NAALADL2: variants seen among roughly 807,000 people sequenced by gnomAD.
NAALADL2 encodes the protein N-acetylated alpha-linked acidic dipeptidase like 2.
Under a neutral mutation model 87.2 loss-of-function variants are expected in NAALADL2, and 76 were observed. The ratio of observed to expected loss-of-function variants is 0.87; its 90% CI spans 0.72 to 1.05. NAALADL2 has a LOEUF of 1.05. NAALADL2 is among the 50% of genes least tolerant of loss of function. The probability of loss-of-function intolerance (pLI) is 0.00; values close to 1 mark genes in which losing one functional copy is unlikely to be tolerated. For synonymous variants in NAALADL2, 354 were observed against 331.0 expected, an observed-to-expected ratio of 1.07 and a Z score of -0.75; for missense variants, 1,089 against 945.8, an observed-to-expected ratio of 1.15 and a Z score of -1.99.
chr3:174,581,027 C>T (rs1716110313), intron 2 of NAALADL2, among the ~76,000 whole-genome samples: 1 of 152,174 alleles, frequency 6.6e-6, no homozygotes, highest in Middle Eastern at 3.4e-3. Flanking sequence ...TTAATTTTGG[C>T]TATTATAGTA....
At chr3:175,502,254 T>TGTCTGTGTGTGTGC (rs1491360284) in intron 9 of NAALADL2, among the ~76,000 whole-genome samples, 1 of 151,754 alleles carries the variant, frequency 6.6e-6, no homozygotes, top group Non-Finnish European at 1.5e-5. Flanking sequence ...TGTGTGTGTG[T>TGTCTGTGTGTGTGC]GTCTGTGTGT....
intron 2 of NAALADL2, among the ~76,000 whole-genome samples, chr3:175,108,186 A>G (rs1183416781): frequency 2.0e-5 from 3 of 151,930 alleles, no homozygotes; most frequent in Non-Finnish European, 4.4e-5. Context: ...ACACAATGTC[A>G]TAATATGTAA....
At chr3:175,003,579 T>C (rs899495307) in intron 1 of NAALADL2, among the ~76,000 whole-genome samples, 1 of 152,154 alleles carries the variant, frequency 6.6e-6, no homozygotes, top group Non-Finnish European at 1.5e-5. Flanking sequence ...TAATGATGAC[T>C]TTGAGGCATT....
chr3:175,382,787 T>C (rs1203613632), intron 5 of NAALADL2, among the ~76,000 whole-genome samples: 1 of 151,750 alleles, frequency 6.6e-6, no homozygotes, highest in African/African-American at 2.4e-5. Context: ...GAAGTTATGG[T>C]TAATTATATA....
intron 3 of NAALADL2, among the ~76,000 whole-genome samples, chr3:174,775,920 A>G (rs971051614): frequency 6.6e-6 from 1 of 152,190 alleles, no homozygotes; most frequent in African/African-American, 2.4e-5. Flanking sequence ...TATGGCTAAA[A>G]TAAGCACCTC....
intron 5 of NAALADL2, among the ~76,000 whole-genome samples, chr3:175,371,651 C>T (rs1766519755): frequency 6.6e-6 from 1 of 151,692 alleles, no homozygotes; most frequent in Non-Finnish European, 1.5e-5. Flanking sequence ...ATGGCGAAAT[C>T]CCGTCTCTAC....
intron 2 of NAALADL2, among the ~76,000 whole-genome samples, chr3:174,570,557 G>T (rs1242842827): frequency 6.6e-6 from 1 of 152,086 alleles, no homozygotes; most frequent in African/African-American, 2.4e-5. Flanking sequence ...TCTAAGGCGC[G>T]CTAGGGGATT....
chr3:174,509,714 C>T (rs1719474522), intron 1 of NAALADL2, among the ~76,000 whole-genome samples: 1 of 151,406 alleles, frequency 6.6e-6, no homozygotes, highest in Admixed American at 6.6e-5. Context: ...GCGTGAGCCA[C>T]CGAGCACAGC....
rs528165955 is a variant in NAALADL2 at position 174,690,647 on chromosome 3, C to T, written c.-114-46994C>T. ...ATGGAAATGGCATTTTTATGAAATG[C>T]GAGTGACAAAGAATTGAATGATGCC... On this transcript the variant is annotated intron_variant, in intron 2 of 3. Transcript: ENST00000434257. 1.3e-3 allele frequency among the ~76,000 whole-genome samples: 205 copies of T among 152,066 alleles called. 1 individual carries two copies. The highest frequency in any genetic ancestry group is 2.4e-3 in the Non-Finnish European group (160 of 67,988).
chr3:175,697,400 G>GACACACACACACAC (rs57471272), intron 11 of NAALADL2, among the ~76,000 whole-genome samples: 4,727 of 145,244 alleles, frequency 0.033, 100 homozygotes, highest in African/African-American at 0.051. Flanking sequence ...GCTGCACACA[G>GACACACACACACAC]ACACACACAC....
At chr3:175,770,487 T>C (rs756505938) in intron 13 of NAALADL2, among the ~76,000 whole-genome samples, 40 of 152,238 alleles carry the variant, frequency 2.6e-4, no homozygotes, top group Non-Finnish European at 4.1e-4. Context: ...TGTCTAGTTA[T>C]ATTTGGCTAA....
At chr3:175,195,210 T>C (rs1299277251) in intron 2 of NAALADL2, among the ~76,000 whole-genome samples, 1 of 151,800 alleles carries the variant, frequency 6.6e-6, no homozygotes. Context: ...TTCATTTAAA[T>C]ATATTTTGGA....
chr3:175,579,014 G>C (rs1014510230), intron 10 of NAALADL2, among the ~76,000 whole-genome samples: 5 of 152,040 alleles, frequency 3.3e-5, no homozygotes, highest in Admixed American at 3.3e-4. Flanking sequence ...GCCCCTGTAG[G>C]GACTGAGCTC....
intron 2 of NAALADL2, among the ~76,000 whole-genome samples, chr3:174,688,063 T>C (rs574851): frequency 0.75 from 114,330 of 152,060 alleles, 43,169 homozygotes; most frequent in East Asian, 0.89. Flanking sequence ...CATAATTTTA[T>C]ATCTTATGTA....
chr3:175,400,077 A>G (rs1304349291), intron 5 of NAALADL2, among the ~76,000 whole-genome samples: 1 of 152,144 alleles, frequency 6.6e-6, no homozygotes, highest in Non-Finnish European at 1.5e-5. Flanking sequence ...CAAATGAAAT[A>G]TACCCTCATT....
Position 175,805,803 on chromosome 3 carries a change from A to G in NAALADL2, c.*2600A>G, listed in dbSNP as rs1475552776. The stretch of plus-strand genomic sequence containing the variant: ...TGGTAAAGGTGTAACGGTGAAATTT[A>G]TGTTCAGGCAGGGTACACATGAGAT... On this transcript the variant is annotated 3_prime_UTR_variant, in exon 14 of 14. Transcript: ENST00000454872. The G allele has an allele frequency of 6.6e-6, 1 of 151,938 alleles. No individual in the cohort carries two copies. The highest frequency in any genetic ancestry group is 2.4e-5 in the African/African-American group (1 of 41,424). 9.4% of individuals were successfully genotyped at this position (151,938 alleles called of 1,614,324 possible).
intron 2 of NAALADL2, among the ~76,000 whole-genome samples, chr3:175,114,040 A>G (rs1157034810): frequency 6.6e-6 from 1 of 151,628 alleles, no homozygotes; most frequent in African/African-American, 2.4e-5. Context: ...CCTTAAATGT[A>G]TTTAATATCG....
At chr3:175,664,019 A>C (rs1280647590) in intron 11 of NAALADL2, among the ~76,000 whole-genome samples, 1 of 152,014 alleles carries the variant, frequency 6.6e-6, no homozygotes, top group Admixed American at 6.6e-5. Flanking sequence ...AAAATGAAGG[A>C]TATGGAGGTA....
chr3:175,201,599 G>A (rs1056152259), intron 2 of NAALADL2, among the ~76,000 whole-genome samples: 8 of 151,972 alleles, frequency 5.3e-5, no homozygotes, highest in East Asian at 1.9e-4. Flanking sequence ...CATCTTTGTC[G>A]TGTTACACTG....
Sources: gnomAD v4.1 joint callset for allele counts (sites outside exome capture counted in the v4.1 genomes callset) on GRCh38, gnomAD v4.1.1 for gene constraint, MANE v1.5 for transcripts, NCBI Gene and HGNC (gene_info 2026-07-23, HGNC 2026-07-21) for gene names.